Variants in JMJD1C observed in about 807,000 individuals in gnomAD.
The protein encoded by JMJD1C is jumonji domain containing 1C.
In JMJD1C, 31 loss-of-function variants were observed where a neutral mutation model predicts 245.3. The observed-to-expected ratio is 0.13, with a 90% CI of 0.09 to 0.17. The LOEUF (loss-of-function observed/expected upper bound fraction) is 0.17. Among genes scored for constraint, JMJD1C ranks in the 10% least tolerant of loss-of-function variants. The probability of loss-of-function intolerance (pLI) is 1.00; values close to 1 mark genes in which losing one functional copy is unlikely to be tolerated. For synonymous variants in JMJD1C, 1,057 were observed against 1,017.4 expected (o/e 1.04, Z -0.74); for missense variants, 2,691 against 3,000.2 (o/e 0.90, Z 2.41).
chr10:63,230,354 A>T lies in JMJD1C; in HGVS notation c.448-10371T>A, dbSNP rs572316021. ...GCCACTGCACTCCAGCCTGGGCAAC[A>T]GAGCAAAGACTCTGTTTCGAAAAAA... On this transcript the variant is annotated intron_variant, in intron 3 of 25. Coordinates refer to ENST00000399262, the MANE Select transcript of JMJD1C (RefSeq NM_032776.3). Among the ~76,000 whole-genome samples, 211 of 152,174 alleles carry T rather than the reference A, an allele frequency of 1.4e-3. 3 individuals are homozygous for T. Among genetic ancestry groups the T allele is most frequent in the Non-Finnish European group, 4.4e-4 (30 of 68,022 alleles).
Position 63,168,077 on chromosome 10 carries a change from C to T in JMJD1C, c.7591G>A (p.Glu2531Lys), listed in dbSNP as rs71508957. The change falls in exon 26 of 26, where the codon GAG becomes AAG. Residue 2531 changes from glutamate to lysine, a missense_variant. This residue lies in a region of JMJD1C where 27 missense variants were observed against 18.4 expected (regional missense o/e 1.47). Transcript: ENST00000399262. ...TCTTCCATATCCTCTACTTCATCCT[C>T]GTGTATCTTCAAGGCTCTCACCATT... is the stretch of plus-strand genomic sequence containing the variant. ...KEMVRALKIH[E>K]DEVEDMEEN The T allele has an allele frequency of 7.0e-3, 11,159 of 1,603,916 alleles. 61 individuals carry two copies. The highest frequency in any genetic ancestry group is 8.6e-3 in the Non-Finnish European group (10,051 of 1,171,464).
chr10:63,190,265 C>CG (rs1844625297), intron 17 of JMJD1C, among the ~76,000 whole-genome samples: 1 of 151,892 alleles, frequency 6.6e-6, no homozygotes, highest in South Asian at 2.1e-4. Context: ...AGTGTAGTGG[C>CG]GTGATCTCGG....
rs555739906 is a variant in JMJD1C, at chr10:63,335,066, G to C, written c.333+45252C>G. On this transcript the variant is annotated intron_variant, in intron 2 of 25. Transcript: ENST00000399262. ...AAAAAATATTGTTCCTAACTAAGGA[G>C]TTCCAGTCCTTCACAAAAAAGAACT... 7.4e-5 allele frequency among the ~76,000 whole-genome samples: 11 copies of C among 148,340 alleles called. No individual in the cohort carries two copies. The East Asian group carries it at 2.2e-3, about 29-fold the overall frequency.
intron 1 of JMJD1C, among the ~76,000 whole-genome samples, chr10:63,477,227 C>T (rs1436687891): frequency 6.6e-6 from 1 of 151,484 alleles, no homozygotes; most frequent in African/African-American, 2.4e-5. Flanking sequence ...TTTTTTGACA[C>T]CGACAAGTTG....
chr10:63,204,494 GTTTTTGT>G (rs1257165414), intron 10 of JMJD1C: 2 of 985,104 alleles, frequency 2.0e-6, no homozygotes, highest in African/African-American at 1.7e-5. Flanking sequence ...CCTATCTTTT[GTTTTTGT>G]TTTTTAAGTT....
At chr10:63,246,266 T>C (rs1852185765) in intron 3 of JMJD1C, among the ~76,000 whole-genome samples, 1 of 152,010 alleles carries the variant, frequency 6.6e-6, no homozygotes, top group Non-Finnish European at 1.5e-5. Flanking sequence ...CCCCAAGGCA[T>C]ATATAATAAT....
rs774582987 is a variant in JMJD1C at position 63,207,858 on chromosome 10, T to A, written c.3811A>T (p.Ser1271Cys). The change falls in exon 10 of 26, where the codon AGT becomes TGT. Residue 1271 changes from serine to cysteine, a missense_variant. Physicochemically the swap from Ser to Cys is moderately radical, Grantham distance 112 (BLOSUM62 -1). Around this residue, in one of 9 missense-constraint regions of JMJD1C, gnomAD observed 1,562 missense variants for 1,490.7 expected, o/e 1.05. Coordinates refer to ENST00000399262, the MANE Select transcript of JMJD1C (RefSeq NM_032776.3). ...QANFKSSSEQSLTEMWRPNNN... is the reference protein window; with the variant it reads ...QANFKSSSEQCLTEMWRPNNN... The stretch of plus-strand genomic sequence containing the variant: ...TTAGGTCTCCACATCTCCGTCAAAC[T>A]CTGTTCTGAAGAACTCTTAAAATTT... 6.2e-7 allele frequency: 1 copy of A among 1,614,190 alleles called. No homozygotes were observed. The highest frequency in any genetic ancestry group is 8.5e-7 in the Non-Finnish European group (1 of 1,180,024).
intron 1 of JMJD1C, among the ~76,000 whole-genome samples, chr10:63,495,754 C>CA (rs34098324): frequency 0.46 from 61,784 of 135,566 alleles, 13,775 homozygotes; most frequent in South Asian, 0.54. Flanking sequence ...ACTCCTAACT[C>CA]AAAAAAAAAA....
intron 1 of JMJD1C, among the ~76,000 whole-genome samples, chr10:63,419,907 G>A (rs908888898): frequency 4.0e-5 from 6 of 151,398 alleles, no homozygotes; most frequent in African/African-American, 1.5e-4. Context: ...AGAGGCCAAG[G>A]TGGGCAGATC....
chr10:63,465,693 C>A lies in JMJD1C; in HGVS notation c.-31G>T. 3.7e-6 allele frequency: 6 copies of A among 1,603,498 alleles called. No individual in the cohort carries two copies. Among genetic ancestry groups the A allele is most frequent in the Non-Finnish European group, 4.2e-6 (5 of 1,179,390 alleles). ...TCGCTGCCGAAGCGGCCGCTGCCTC[C>A]TCCAGTGCGAGGGAACCGATGAAAC... On this transcript the variant is annotated 5_prime_UTR_variant, in exon 1 of 26. It adds an upstream start codon to the 5' untranslated region. Coordinates refer to ENST00000399262, the MANE Select transcript of JMJD1C (RefSeq NM_032776.3).
chr10:63,181,657 T>C (rs1410801176), intron 22 of JMJD1C, among the ~76,000 whole-genome samples: 1 of 152,214 alleles, frequency 6.6e-6, no homozygotes, highest in African/African-American at 2.4e-5. Flanking sequence ...CCTGAAATTT[T>C]CTCGAAAGAA....
intron 2 of JMJD1C, among the ~76,000 whole-genome samples, chr10:63,286,613 C>G (rs900027260): frequency 6.6e-6 from 1 of 152,190 alleles, no homozygotes; most frequent in Admixed American, 6.5e-5. Context: ...CAGTATGTAG[C>G]TCTTTGAACC....
intron 3 of JMJD1C, among the ~76,000 whole-genome samples, chr10:63,251,657 C>T (rs1027718329): frequency 1.3e-5 from 2 of 152,174 alleles, no homozygotes; most frequent in Admixed American, 1.3e-4. Flanking sequence ...AAGACAGATA[C>T]TATACTTTCT....
upstream of JMJD1C, among the ~76,000 whole-genome samples, chr10:63,468,889 G>A (rs1380302953): frequency 6.6e-6 from 1 of 152,154 alleles, no homozygotes; most frequent in African/African-American, 2.4e-5. Flanking sequence ...TGCAACTGGA[G>A]GATCTCTTGA....
chr10:63,208,368 C>T lies in JMJD1C; in HGVS notation c.3301G>A (p.Val1101Met). The change falls in exon 10 of 26, where the codon GTG (valine) becomes ATG (methionine). Residue 1101 changes from valine (V) to methionine (M), a missense_variant. Val to Met is a conservative substitution (Grantham distance 21). Around this residue, in one of 9 missense-constraint regions of JMJD1C, gnomAD observed 1,562 missense variants for 1,490.7 expected, o/e 1.05. Coordinates refer to ENST00000399262, the MANE Select transcript of JMJD1C (RefSeq NM_032776.3). ...SNYFTTLSNS[V>M]VNEPPRSYPS... ...TATGATCTTGGTGGTTCATTGACCA[C>T]ACTATTAGACAATGTAGTGAAATAG... 6.2e-7 allele frequency: 1 copy of T among 1,613,540 alleles called. No homozygotes were observed. Among genetic ancestry groups the T allele is most frequent in the Non-Finnish European group, 8.5e-7 (1 of 1,179,538 alleles).
At chr10:63,488,571 A>G (rs1341922858) in intron 1 of JMJD1C, among the ~76,000 whole-genome samples, 1 of 152,038 alleles carries the variant, frequency 6.6e-6, no homozygotes, top group Non-Finnish European at 1.5e-5. Context: ...ATATTTAAAG[A>G]TAACACTACT....
intron 1 of JMJD1C, among the ~76,000 whole-genome samples, chr10:63,520,328 A>G (rs1413153206): frequency 2.0e-5 from 3 of 152,184 alleles, no homozygotes; most frequent in Admixed American, 2.0e-4. Context: ...ACAAAATTAC[A>G]GTATGGTCAC....
chr10:63,418,337 C>T (rs1184458276), intron 1 of JMJD1C, among the ~76,000 whole-genome samples: 2 of 152,180 alleles, frequency 1.3e-5, no homozygotes, highest in African/African-American at 4.8e-5. Flanking sequence ...CAAAATATCT[C>T]ATCTATCCTG....
chr10:63,449,164 T>C (rs1290315079), intron 1 of JMJD1C, among the ~76,000 whole-genome samples: 1 of 152,150 alleles, frequency 6.6e-6, no homozygotes, highest in Non-Finnish European at 1.5e-5. Context: ...GATTCTAATA[T>C]ATACTTGCTT....
Sources: gnomAD v4.1 joint callset for allele counts (sites outside exome capture counted in the v4.1 genomes callset) on GRCh38, gnomAD v4.1.1 for gene constraint, gnomAD v4.1.1 regional missense constraint, MANE v1.5 for transcripts, NCBI Gene and HGNC (gene_info 2026-07-23, HGNC 2026-07-21) for gene names.